The following KIF7 variants were observed in gnomAD, a reference collection of about 807,000 sequenced individuals.
KIF7 encodes kinesin family member 7.
A neutral mutation model predicts 135.7 loss-of-function variants in KIF7; 104 were observed. That is an observed-to-expected ratio of 0.77 (90% CI 0.65 to 0.90). KIF7 has a LOEUF of 0.90. Among genes scored for constraint, KIF7 ranks in the 40% least tolerant of loss-of-function variants. KIF7 has a pLI of 0.00. For missense variants in KIF7, 2,005 were observed against 1,839.1 expected, an observed-to-expected ratio of 1.09 and a Z score of -1.65; for synonymous variants, 883 against 809.4, an observed-to-expected ratio of 1.09 and a Z score of -1.54.
intron 11 of KIF7, among the ~76,000 whole-genome samples, chr15:89,636,167 T>C (rs1963803165): frequency 6.6e-6 from 1 of 151,132 alleles, no homozygotes; most frequent in African/African-American, 2.4e-5. Flanking sequence ...CTAAAAGAGC[T>C]CCTGAAGGAA....
chr15:89,623,792 C>T (rs764841038), downstream of KIF7: 7 of 1,613,974 alleles, frequency 4.3e-6, no homozygotes, highest in Non-Finnish European at 4.2e-6. Context: ...AAAGACTCCT[C>T]CTCACCCGGC....
chr15:89,623,855 C>T (rs1340386113), downstream of KIF7: 13 of 1,613,854 alleles, frequency 8.1e-6, no homozygotes, highest in African/African-American at 1.3e-5. Flanking sequence ...CATACCCAGG[C>T]AGGAGAAGGT....
rs1419620588 is a variant in KIF7, at chr15:89,617,722, T to C, written c.*75+307A>G. On this transcript the variant is annotated intron_variant and NMD_transcript_variant, in intron 2 of 2. Coordinates refer to the KIF7 transcript ENST00000558928. ...TTTTTTTTTTTTTTGAGACAGAGTC[T>C]AGCTCTGTCGCCAGGCTGGAGTGCA... 2.9e-5 allele frequency among the ~76,000 whole-genome samples: 4 copies of C among 139,422 alleles called. 1 individual carries two copies. In the Admixed American group the frequency reaches 3.0e-4, roughly 10 times the overall value. 91.5% of individuals were successfully genotyped at this position (139,422 alleles called of 152,430 possible).
At chr15:89,641,229 CA>C (rs1363004066) in intron 11 of KIF7, among the ~76,000 whole-genome samples, 2 of 151,898 alleles carry the variant, frequency 1.3e-5, no homozygotes, top group African/African-American at 4.8e-5. Flanking sequence ...GGGCTACAAG[CA>C]GGGGAAAGGC....
chr15:89,628,667 G>A lies in KIF7; in HGVS notation c.3784C>T (p.Arg1262Trp), dbSNP rs142598777. The change falls in exon 19 of 19, where the codon CGG (arginine) becomes TGG (tryptophan). Residue 1262 changes from arginine to tryptophan, a missense_variant. Physicochemically the swap from Arg to Trp is moderately radical, Grantham distance 101. Transcript: ENST00000394412. ...TGGACCAAGTCCCGCGTCTCCTCCC[G>A]GGTGCGGGGGGCCCCCTCAGTGAGG... ...SPLTEGAPRTREETRDLVHAP... is the reference protein window; with the variant it reads ...SPLTEGAPRTWEETRDLVHAP... 2.2e-4 allele frequency: 350 copies of A among 1,613,066 alleles called. No homozygotes were observed. Among genetic ancestry groups the A allele is most frequent in the Middle Eastern group, 1.8e-3 (11 of 6,062 alleles).
chr15:89,645,499 A>G, intron 8 of KIF7, 48 bp from the exon 9 acceptor site: 1 of 1,461,180 alleles, frequency 6.8e-7, no homozygotes, highest in Non-Finnish European at 9.4e-7. Context: ...CCCCTGCCCC[A>G]GCCTAGCCAC....
At position 89,628,365 on chromosome 15, in the gene KIF7, G is replaced by A; in HGVS notation, c.*54C>T. 2 of 1,548,848 alleles carry A rather than the reference G, an allele frequency of 1.3e-6. No individual in the cohort carries two copies. The highest frequency in any genetic ancestry group is 1.7e-6 in the Non-Finnish European group (2 of 1,149,936). ...CTTCACAGAAGCAAAACAGGCAGCTGCCCCTTTCAGCAGGCTCGGAGTCTC... is the reference window on the plus strand; with the variant it reads ...CTTCACAGAAGCAAAACAGGCAGCTACCCCTTTCAGCAGGCTCGGAGTCTC... On this transcript the variant is annotated 3_prime_UTR_variant, in exon 19 of 19. Coordinates refer to ENST00000394412, the MANE Select transcript of KIF7 (RefSeq NM_198525.3).
At chr15:89,638,323 A>G (rs573063676) in intron 11 of KIF7, among the ~76,000 whole-genome samples, 1,572 of 141,564 alleles carry the variant, frequency 0.011, 41 homozygotes, top group African/African-American at 0.04. Context: ...GAAGGAAATA[A>G]AGGGTATTCA....
chr15:89,653,982 T>A (rs745323301), intron 1 of KIF7, among the ~76,000 whole-genome samples: 9 of 152,102 alleles, frequency 5.9e-5, no homozygotes, highest in Non-Finnish European at 8.8e-5. Context: ...CCCTTGGGAT[T>A]CAAAATATTT....
chr15:89,624,233 C>T, downstream of KIF7: 1 of 1,614,176 alleles, frequency 6.2e-7, no homozygotes, highest in Non-Finnish European at 8.5e-7. Flanking sequence ...CCTGTTACGC[C>T]AAAGAAACTG....
rs1221277937 is a variant in KIF7 at position 89,618,258 on chromosome 15, T to C, written c.181-63A>G. On this transcript the variant is annotated intron_variant and NMD_transcript_variant, in intron 1 of 2. Transcript: ENST00000558928. ...TTTAATGCAATCTACCCAGCTTCTA[T>C]GAAAACCTTTCTGTATGTATTGTTA... The C allele has an allele frequency of 6.4e-6, 10 of 1,554,312 alleles. No individual in the cohort carries two copies. The South Asian group carries it at 1.0e-4, about 16-fold the overall frequency.
intron 12 of KIF7, 42 bp downstream of exon 12, chr15:89,633,644 A>T: frequency 6.3e-7 from 1 of 1,594,816 alleles, no homozygotes; most frequent in East Asian, 2.2e-5. Context: ...AGCTCAGCCT[A>T]TTGGCCTGGA....
chr15:89,647,490 C>A, intron 6 of KIF7, 106 bp downstream of exon 6: 1 of 982,880 alleles, frequency 1.0e-6, no homozygotes, highest in East Asian at 2.4e-5. Context: ...CACCCCTACC[C>A]CGCAGTACCC....
chr15:89,624,710 T>G (rs771752689), downstream of KIF7: 25 of 1,614,036 alleles, frequency 1.5e-5, no homozygotes, highest in Non-Finnish European at 2.0e-5. Context: ...GTCACTCTCC[T>G]CAGTGAAGCC....
chr15:89,633,580 G>A, intron 12 of KIF7, 106 bp downstream of exon 12: 1 of 1,223,662 alleles, frequency 8.2e-7, no homozygotes, highest in Non-Finnish European at 1.2e-6. Flanking sequence ...TGCTTTCTAA[G>A]GTCACGTGGC....
chr15:89,633,439 C>G (rs1224346593), intron 12 of KIF7, among the ~76,000 whole-genome samples, 173 bp from the exon 13 acceptor site: 1 of 152,234 alleles, frequency 6.6e-6, no homozygotes, highest in Admixed American at 6.5e-5. Flanking sequence ...TAGACGCAAA[C>G]ACTTAGAAAT....
intron 9 of KIF7, 66 bp downstream of exon 9, chr15:89,645,270 G>T: frequency 6.2e-7 from 1 of 1,601,344 alleles, no homozygotes; most frequent in Non-Finnish European, 8.5e-7. Flanking sequence ...CTGTCCCAAG[G>T]TGGCTGGCCC....
chr15:89,636,245 C>G (rs1258504110), intron 11 of KIF7, among the ~76,000 whole-genome samples: 1 of 151,464 alleles, frequency 6.6e-6, no homozygotes, highest in Non-Finnish European at 1.5e-5. Flanking sequence ...TAAAGACCAT[C>G]GAGACTAGGA....
downstream of KIF7, chr15:89,625,222 AG>A: frequency 2.5e-6 from 4 of 1,613,674 alleles, no homozygotes; most frequent in Non-Finnish European, 3.4e-6. Context: ...TGGCAAGAGC[AG>A]GGGGCAAACC....
Sources: gnomAD v4.1 joint callset for allele counts (sites outside exome capture counted in the v4.1 genomes callset) on GRCh38, gnomAD v4.1.1 for gene constraint, MANE v1.5 for transcripts, NCBI Gene and HGNC (gene_info 2026-07-23, HGNC 2026-07-21) for gene names.